DIP2B: variants seen among roughly 807,000 people sequenced by gnomAD.
The protein encoded by DIP2B is DIP2 acetate--CoA ligase B (putative).
DIP2B carries 76 observed loss-of-function variants against 198.0 expected under a neutral mutation model. The observed-to-expected ratio is 0.38, with a 90% CI of 0.32 to 0.46. The LOEUF is 0.46. Ranked by LOEUF, DIP2B falls within the 20% of genes least tolerant of loss-of-function variation. DIP2B has a pLI of 0.99. For synonymous variants in DIP2B, 701 were observed against 739.1 expected, an observed-to-expected ratio of 0.95 and a Z score of 0.84; for missense variants, 1,559 against 1,978.4, an observed-to-expected ratio of 0.79 and a Z score of 4.02.
intron 2 of DIP2B, 114 bp from the exon 3 acceptor site, chr12:50,640,610 T>G: frequency 8.9e-7 from 1 of 1,120,998 alleles, no homozygotes. Flanking sequence ...AACCCTTTAC[T>G]GTAGATGGGG....
intron 4 of DIP2B, among the ~76,000 whole-genome samples, chr12:50,664,188 A>T (rs560399247): frequency 6.6e-6 from 1 of 152,336 alleles, no homozygotes; most frequent in Admixed American, 6.5e-5. Context: ...GAGGGATTTA[A>T]TAAAAAGGAT....
chr12:50,740,960 G>A (rs1940230517), intron 36 of DIP2B, among the ~76,000 whole-genome samples: 1 of 152,080 alleles, frequency 6.6e-6, no homozygotes, highest in East Asian at 1.9e-4. Flanking sequence ...ACTCAGTGAT[G>A]TCCTCTGCCC....
At chr12:50,520,115 G>A (rs1015797692) in intron 1 of DIP2B, among the ~76,000 whole-genome samples, 1 of 137,004 alleles carries the variant, frequency 7.3e-6, no homozygotes, top group African/African-American at 2.8e-5. Context: ...TCGGCTCACT[G>A]CAGCCTCCGC....
chr12:50,659,145 C>G (rs894559859), intron 3 of DIP2B, among the ~76,000 whole-genome samples: 1 of 152,090 alleles, frequency 6.6e-6, no homozygotes, highest in African/African-American at 2.4e-5. Context: ...GTCATAGAAA[C>G]AAATCAACAT....
At chr12:50,729,812 C>T (rs1050592319) in intron 30 of DIP2B, among the ~76,000 whole-genome samples, 6 of 151,500 alleles carry the variant, frequency 4.0e-5, no homozygotes. Context: ...TCACTGCAAC[C>T]TCCACCTCCC....
At chr12:50,739,678 C>A in intron 36 of DIP2B, 92 bp downstream of exon 36, 2 of 1,463,112 alleles carry the variant, frequency 1.4e-6, no homozygotes, top group Non-Finnish European at 1.9e-6. Flanking sequence ...TGGAGTGTGT[C>A]TATTTAGTTA....
intron 26 of DIP2B, 136 bp downstream of exon 26, chr12:50,721,532 A>G (rs1004945680): frequency 2.7e-5 from 36 of 1,351,950 alleles, no homozygotes; most frequent in African/African-American, 1.0e-4. Flanking sequence ...GACCATGCAC[A>G]CAGGCCAAAG....
intron 23 of DIP2B, among the ~76,000 whole-genome samples, chr12:50,715,889 G>A (rs1326990299): frequency 2.0e-5 from 3 of 152,154 alleles, no homozygotes; most frequent in Admixed American, 6.5e-5. Context: ...TTTGCCATAA[G>A]ACGTTTACAG....
intron 4 of DIP2B, among the ~76,000 whole-genome samples, chr12:50,664,578 C>T (rs1036796914): frequency 3.9e-5 from 6 of 152,100 alleles, no homozygotes; most frequent in Admixed American, 1.3e-4. Flanking sequence ...CTCATTCATA[C>T]GGAAAAGCAC....
At chr12:50,567,889 T>C (rs1397762084) in intron 1 of DIP2B, among the ~76,000 whole-genome samples, 1 of 152,232 alleles carries the variant, frequency 6.6e-6, no homozygotes, top group Non-Finnish European at 1.5e-5. Context: ...TTGATTGTCT[T>C]TCTCCCAAGA....
chr12:50,553,549 G>T (rs181733762), intron 1 of DIP2B, among the ~76,000 whole-genome samples: 3 of 152,258 alleles, frequency 2.0e-5, no homozygotes, highest in Admixed American at 1.3e-4. Flanking sequence ...GCATCTGGAG[G>T]CACTAACAGT....
chr12:50,627,276 C>T (rs148444606), intron 2 of DIP2B, among the ~76,000 whole-genome samples: 4 of 152,206 alleles, frequency 2.6e-5, no homozygotes, highest in African/African-American at 7.2e-5. Flanking sequence ...GTTTGTTATC[C>T]GTAGTCAGGC....
At chr12:50,685,979 T>A (rs1592127352) in intron 11 of DIP2B, 23 bp downstream of exon 11, 1 of 1,603,334 alleles carries the variant, frequency 6.2e-7, no homozygotes, top group African/African-American at 1.3e-5. Context: ...GTACCTGAAT[T>A]ATCAGTTAAA....
intron 1 of DIP2B, among the ~76,000 whole-genome samples, chr12:50,555,499 T>C (rs539943287): frequency 2.6e-5 from 4 of 152,256 alleles, no homozygotes; most frequent in African/African-American, 9.6e-5. Context: ...AATGCTTATG[T>C]TTTCCTCCCT....
chr12:50,530,798 A>G (rs1958210290), intron 1 of DIP2B, among the ~76,000 whole-genome samples: 1 of 152,154 alleles, frequency 6.6e-6, no homozygotes, highest in Non-Finnish European at 1.5e-5. Flanking sequence ...TCTTGAGAGA[A>G]AGATGGCACC....
chr12:50,706,671 T>C lies in DIP2B; in HGVS notation c.2534+6T>C, dbSNP rs1337280128. On this transcript the variant is annotated splice_donor_region_variant and intron_variant, in intron 21 of 37. Coordinates refer to ENST00000301180, the MANE Select transcript of DIP2B (RefSeq NM_173602.3). The stretch of plus-strand genomic sequence containing the variant: ...AAGACTGTTTATAGAGGAAGGTGAG[T>C]AGTACAAAATTCAAATGTTAGCACC... 2 of 1,613,564 alleles carry C rather than the reference T, an allele frequency of 1.2e-6. No individual in the cohort carries two copies. Among genetic ancestry groups the C allele is most frequent in the Non-Finnish European group, 1.7e-6 (2 of 1,179,750 alleles).
chr12:50,732,401 T>C lies in DIP2B; in HGVS notation c.3846T>C (p.Cys1282=), dbSNP rs753304505. Residue 1282 remains cysteine (C), a synonymous_variant, in exon 32 of 38, where the codon TGT becomes TGC. Coordinates refer to ENST00000301180, the MANE Select transcript of DIP2B (RefSeq NM_173602.3). ...RGINLSCVRT[C]VVVAEERPRV... Reference sequence around the variant, plus strand: ...TCAACCTCTCCTGCGTCCGGACCTGTGTGGTGGTGGCGGAGGAGAGGCCCC... The same window carrying C: ...TCAACCTCTCCTGCGTCCGGACCTGCGTGGTGGTGGCGGAGGAGAGGCCCC... 1.8e-5 allele frequency: 29 copies of C among 1,614,110 alleles called. No homozygotes were observed. The highest frequency in any genetic ancestry group is 6.6e-5 in the South Asian group (6 of 91,088).
chr12:50,733,329 C>G (rs936064832), intron 32 of DIP2B, among the ~76,000 whole-genome samples: 1 of 140,644 alleles, frequency 7.1e-6, no homozygotes, highest in East Asian at 2.1e-4. Context: ...TCATGTTATT[C>G]TTGATGGGTA....
chr12:50,518,056 G>A (rs1312068996), intron 1 of DIP2B, among the ~76,000 whole-genome samples: 3 of 152,194 alleles, frequency 2.0e-5, no homozygotes, highest in South Asian at 2.1e-4. Flanking sequence ...GCATAATGAT[G>A]ATGAGGGAAC....
Sources: gnomAD v4.1 joint callset for allele counts (sites outside exome capture counted in the v4.1 genomes callset) on GRCh38, gnomAD v4.1.1 for gene constraint, MANE v1.5 for transcripts, NCBI Gene and HGNC (gene_info 2026-07-23, HGNC 2026-07-21) for gene names.